Variants in GRID2IP observed in about 807,000 individuals in gnomAD.
The protein encoded by GRID2IP is delphilin.
In GRID2IP, 78 loss-of-function variants were observed where a neutral mutation model predicts 114.3. That is an observed-to-expected ratio of 0.68 (90% CI 0.57 to 0.82). GRID2IP has a LOEUF of 0.82. Among genes scored for constraint, GRID2IP ranks in the 40% least tolerant of loss-of-function variants. GRID2IP has a pLI of 0.00. For synonymous variants in GRID2IP, 809 were observed against 724.0 expected, an observed-to-expected ratio of 1.12 and a Z score of -1.89; for missense variants, 1,727 against 1,678.5, an observed-to-expected ratio of 1.03 and a Z score of -0.51.
rs747034153 is a variant in GRID2IP, at chr7:6,551,253, G to T, written c.184C>A (p.Arg62Ser). 5.2e-6 allele frequency: 8 copies of T among 1,533,858 alleles called. No homozygotes were observed. In the East Asian group the frequency reaches 1.7e-4, roughly 33 times the overall value. The change falls in exon 1 of 22, where the codon CGC becomes AGC. Residue 62 changes from arginine (R) to serine (S), a missense_variant. Coordinates refer to ENST00000457091, the MANE Select transcript of GRID2IP (RefSeq NM_001145118.2). ...CGTGCCAGGCGCACGAGGCGCTCGC[G>T]GCTCAGACCGCCCACCGCCAGCCCC... The part of the protein sequence containing the change: ...VEGLAVGGLS[R>S]ERLVRLARRC...
intron 1 of GRID2IP, among the ~76,000 whole-genome samples, chr7:6,543,428 C>A (rs940146139): frequency 4.0e-5 from 6 of 151,700 alleles, no homozygotes; most frequent in African/African-American, 1.4e-4. Flanking sequence ...GTAGTCAAGG[C>A]CAAATCACCA....
In GRID2IP at chr7:6,497,844, C is replaced by T. The variant is rs1437768925; in HGVS notation, c.3566G>A (p.Arg1189Gln). 2.6e-6 allele frequency: 4 copies of T among 1,549,796 alleles called. No homozygotes were observed. Among genetic ancestry groups the T allele is most frequent in the Non-Finnish European group, 3.5e-6 (4 of 1,146,498 alleles). Residue 1189 changes from arginine (R) to glutamine (Q), a missense_variant and splice_region_variant, in exon 22 of 22, where the codon CGA (arginine) becomes CAA (glutamine). Transcript: ENST00000457091. ...IFAEFMSKFERALSDLQAGEG... is the reference protein window; with the variant it reads ...IFAEFMSKFEQALSDLQAGEG... ...CCCGGCCTGCAGGTCACTCAGCGCT[C>T]GCTGGGGAGGGGGAACACAGAGGTA...
rs768848426 is a variant in GRID2IP, at chr7:6,519,085, AT to A, written c.1268+1492del. Among the ~76,000 whole-genome samples, 100 of 151,170 alleles carry A rather than the reference AT, an allele frequency of 6.6e-4. No individual in the cohort carries two copies. Among genetic ancestry groups the A allele is most frequent in the Admixed American group, 1.8e-3 (28 of 15,180 alleles). On this transcript the variant is annotated intron_variant, in intron 7 of 21. Transcript: ENST00000457091. This position sits in a 1 kb window ranked among gnomAD's most constrained non-coding sequence, Gnocchi z 4.1. ...AGGTGCGCACCACCATGCCCAGCTAATTTTTTCTTTTTGTAGAGATGGCTTC... is the reference window on the plus strand; with the variant it reads ...AGGTGCGCACCACCATGCCCAGCTAATTTTTCTTTTTGTAGAGATGGCTTC...
Position 6,509,153 on chromosome 7 carries a change from G to C in GRID2IP, c.1932C>G (p.Gly644=). The change falls in exon 12 of 22, where the codon GGC becomes GGG. Residue 644 remains glycine (G), a synonymous_variant. Coordinates refer to ENST00000457091, the MANE Select transcript of GRID2IP (RefSeq NM_001145118.2). The surrounding 1 kb of genome is among the most constrained non-coding windows in gnomAD (Gnocchi z 4.9). The stretch of plus-strand genomic sequence containing the variant: ...GGCTGTCGGGGCAGATGGGCCCGGG[G>C]CCTGGCTGTGGGGAGGGTGCCCTGC... The part of the protein sequence containing the change: ...DSSRAPSPQP[G]PGPICPDSPP... The C allele has an allele frequency of 6.8e-7, 1 of 1,471,714 alleles. No homozygotes were observed. Among genetic ancestry groups the C allele is most frequent in the Non-Finnish European group, 9.0e-7 (1 of 1,110,990 alleles). The allele number at this position is 1,471,714 out of a possible 1,614,324, so 91.2% of individuals were successfully genotyped here. A position where few individuals can be genotyped will look rare whatever the true frequency, so the allele number is the denominator to read the frequency against.
intron 15 of GRID2IP, 95 bp downstream of exon 15, chr7:6,504,698 C>A: frequency 1.0e-6 from 1 of 953,036 alleles, no homozygotes; most frequent in Non-Finnish European, 1.6e-6. Flanking sequence ...GGGTCCCCAC[C>A]GCCTAATCTC....
rs149612132 is a variant in GRID2IP at position 6,514,505 on chromosome 7, G to A, written c.1293C>T (p.Asp431=). Reference sequence around the variant, plus strand: ...CAGGGGTGTCCAGCACAGGGTAGACGTCAACGATGAGGGTGTCGATGTTCC... The same window carrying A: ...CAGGGGTGTCCAGCACAGGGTAGACATCAACGATGAGGGTGTCGATGTTCC... ...QHRNIDTLIV[D]VYPVLDTPAK... The change falls in exon 8 of 22, where the codon GAC becomes GAT. Residue 431 remains aspartate (D), a synonymous_variant. Transcript: ENST00000457091. 54 of 1,536,680 alleles carry A rather than the reference G, an allele frequency of 3.5e-5. No homozygotes were observed. The highest frequency in any genetic ancestry group is 3.0e-4 in the African/African-American group (22 of 72,800).
At chr7:6,510,565 C>A in intron 10 of GRID2IP, 44 bp downstream of exon 10, 3 of 1,440,406 alleles carry the variant, frequency 2.1e-6, no homozygotes, top group Non-Finnish European at 2.8e-6. Flanking sequence ...CCGTCCATTC[C>A]CTGCCCCCTA....
intron 4 of GRID2IP, among the ~76,000 whole-genome samples, chr7:6,525,950 G>A (rs1339258384): frequency 6.6e-6 from 1 of 152,152 alleles, no homozygotes; most frequent in African/African-American, 2.4e-5. Flanking sequence ...TGGTTCCCTT[G>A]GCTTGGGGGG....
rs1429993757 is a variant in GRID2IP at position 6,504,651 on chromosome 7, G to A, written c.2710+142C>T. On this transcript the variant is annotated intron_variant, in intron 15 of 21. Coordinates refer to ENST00000457091, the MANE Select transcript of GRID2IP (RefSeq NM_001145118.2). ...TGGGATCTGGCTGGCTATGGGGCCT[G>A]GGAGGGGGCCTTCACCGCGCTGAGC... The A allele has an allele frequency of 4.5e-6, 3 of 664,072 alleles. No homozygotes were observed. In the South Asian group the frequency reaches 5.6e-5, roughly 12 times the overall value. 41.1% of individuals were successfully genotyped at this position (664,072 alleles called of 1,614,324 possible).
In GRID2IP at chr7:6,509,053, C is replaced by G; in HGVS notation, c.2032G>C (p.Asp678His). Residue 678 changes from aspartate to histidine, a missense_variant, in exon 12 of 22, where the codon GAT (aspartate) becomes CAT (histidine). Physicochemically the swap from Asp to His is moderately conservative, Grantham distance 81. Transcript: ENST00000457091. The surrounding 1 kb of genome is among the most constrained non-coding windows in gnomAD (Gnocchi z 4.9). The part of the protein sequence containing the change: ...FTFSHPVRSR[D>H]TDRFLDVLSE... ...AGCACGTCCAGGAAGCGGTCAGTAT[C>G]GCGGCTTCGCACAGGGTGGGAGAAG... 6.7e-7 allele frequency: 1 copy of G among 1,497,158 alleles called. No individual in the cohort carries two copies. The highest frequency in any genetic ancestry group is 8.9e-7 in the Non-Finnish European group (1 of 1,117,346). The allele number at this position is 1,497,158 out of a possible 1,614,324, so 92.7% of individuals were successfully genotyped here. A position where few individuals can be genotyped will look rare whatever the true frequency, so the allele number is the denominator to read the frequency against.
chr7:6,511,752 C>T (rs1238886352), intron 8 of GRID2IP, among the ~76,000 whole-genome samples: 1 of 152,122 alleles, frequency 6.6e-6, no homozygotes, highest in East Asian at 1.9e-4. Context: ...TCGCTAAAAC[C>T]CTAGCAAATT....
At chr7:6,510,814 G>T in intron 9 of GRID2IP, 94 bp downstream of exon 9, 1 of 1,476,412 alleles carries the variant, frequency 6.8e-7, no homozygotes, top group Non-Finnish European at 9.2e-7. Flanking sequence ...GCCCTGCTTA[G>T]CCCCATTCCC....
intron 20 of GRID2IP, 134 bp from the exon 21 acceptor site, chr7:6,498,362 C>T (rs1425141563): frequency 1.3e-6 from 1 of 775,440 alleles, no homozygotes; most frequent in Non-Finnish European, 2.0e-6. Context: ...GCCCTGTGTC[C>T]AACAGGGAAC....
At chr7:6,525,997 A>T (rs1779503475) in intron 4 of GRID2IP, among the ~76,000 whole-genome samples, 1 of 152,108 alleles carries the variant, frequency 6.6e-6, no homozygotes, top group South Asian at 2.1e-4. Flanking sequence ...GGGTGCCCCA[A>T]CTCAGGCAGA....
rs1335159712 is a variant in GRID2IP at position 6,503,583 on chromosome 7, G to A, written c.2815C>T (p.Leu939Phe). The A allele has an allele frequency of 6.5e-7, 1 of 1,529,402 alleles. No individual in the cohort carries two copies. 94.7% of individuals were successfully genotyped at this position (1,529,402 alleles called of 1,614,324 possible). A position where few individuals can be genotyped will look rare whatever the true frequency, so the allele number is the denominator to read the frequency against. Residue 939 changes from leucine (L) to phenylalanine (F), a missense_variant, in exon 16 of 22, where the codon CTC (leucine) becomes TTC (phenylalanine). Transcript: ENST00000457091. ...TCCTCGTCGGCGTCGGGCGCGAAGA[G>A]CAGCAGCTGCGCGAGATGTGCGGGC... The part of the protein sequence containing the change: ...LEPAHLAQLL[L>F]FAPDADEEQR...
Position 6,551,250 on chromosome 7 carries a change from C to T in GRID2IP, c.187G>A (p.Glu63Lys), listed in dbSNP as rs1346989850. Reference sequence around the variant, plus strand: ...CGCCGTGCCAGGCGCACGAGGCGCTCGCGGCTCAGACCGCCCACCGCCAGC... The same window carrying T: ...CGCCGTGCCAGGCGCACGAGGCGCTTGCGGCTCAGACCGCCCACCGCCAGC... ...EGLAVGGLSR[E>K]RLVRLARRCP... The change falls in exon 1 of 22, where the codon GAG (glutamate) becomes AAG (lysine). Residue 63 changes from glutamate to lysine, a missense_variant. Physicochemically the swap from Glu to Lys is moderately conservative, Grantham distance 56. Transcript: ENST00000457091. The T allele has an allele frequency of 5.9e-6, 9 of 1,533,372 alleles. No individual in the cohort carries two copies. Among genetic ancestry groups the T allele is most frequent in the Non-Finnish European group, 7.9e-6 (9 of 1,145,058 alleles). The allele number at this position is 1,533,372 out of a possible 1,614,324, so 95.0% of individuals were successfully genotyped here.
At chr7:6,518,992 C>T (rs1372722262) in intron 7 of GRID2IP, among the ~76,000 whole-genome samples, 1 of 151,916 alleles carries the variant, frequency 6.6e-6, no homozygotes, top group Admixed American at 6.6e-5. Context: ...GATCTTGGCT[C>T]ACTGCAATCT....
At chr7:6,539,441 G>C (rs1026498157) in intron 2 of GRID2IP, among the ~76,000 whole-genome samples, 1 of 152,120 alleles carries the variant, frequency 6.6e-6, no homozygotes, top group Non-Finnish European at 1.5e-5. Context: ...TGGTGACTTT[G>C]GATCAGAAGG....
Position 6,509,184 on chromosome 7 carries a change from T to C in GRID2IP, c.1901A>G (p.Asp634Gly). The C allele has an allele frequency of 6.8e-7, 1 of 1,479,714 alleles. No individual in the cohort carries two copies. The highest frequency in any genetic ancestry group is 1.4e-5 in the South Asian group (1 of 73,748). 91.7% of individuals were successfully genotyped at this position (1,479,714 alleles called of 1,614,324 possible). ...CTGTGGGGAGGGTGCCCTGCTGCTG[T>C]CCAGGCTGGCGTAGGGGTGGGACTC... ...SSESHPYASL[D>G]SSRAPSPQPG... The change falls in exon 12 of 22, where the codon GAC becomes GGC. Residue 634 changes from aspartate to glycine, a missense_variant. By Grantham distance (94) the Asp-to-Gly change is moderately conservative. Coordinates refer to ENST00000457091, the MANE Select transcript of GRID2IP (RefSeq NM_001145118.2). This position sits in a 1 kb window ranked among gnomAD's most constrained non-coding sequence, Gnocchi z 4.9.
Sources: allele counts gnomAD v4.1 joint callset (sites outside exome capture counted in the v4.1 genomes callset), GRCh38; gene constraint gnomAD v4.1.1; non-coding constraint Gnocchi (gnomAD v3.1); transcripts MANE v1.5; gene names NCBI Gene and HGNC (gene_info 2026-07-23, HGNC 2026-07-21).